TIGAR: variants seen among roughly 807,000 people sequenced by gnomAD.
The protein encoded by TIGAR is TP53 induced glycolysis regulatory phosphatase, also known as fructose-2,6-bisphosphatase TIGAR.
A neutral mutation model predicts 17.9 loss-of-function variants in TIGAR; 7 were observed. The observed-to-expected ratio is 0.39, with a 90% CI of 0.22 to 0.73. The LOEUF (loss-of-function observed/expected upper bound fraction) is 0.73, where lower values mean the gene tolerates loss of function less well. Ranked by LOEUF, TIGAR falls within the 30% of genes least tolerant of loss-of-function variation. The pLI is 0.42. For missense variants in TIGAR, 258 were observed against 327.4 expected (o/e 0.79, Z 1.64); for synonymous variants, 94 against 108.6 (o/e 0.87, Z 0.84).
intron 1 of TIGAR, among the ~76,000 whole-genome samples, chr12:4,322,119 C>T (rs1411143827): frequency 6.6e-6 from 1 of 152,190 alleles, no homozygotes; most frequent in Non-Finnish European, 1.5e-5. Context: ...GCTTCAGCCT[C>T]CCGAGTAGCT....
intron 3 of TIGAR, among the ~76,000 whole-genome samples, chr12:4,337,850 G>A (rs1261405225): frequency 6.6e-6 from 1 of 152,208 alleles, no homozygotes; most frequent in Non-Finnish European, 1.5e-5. Flanking sequence ...TGAAAAACCA[G>A]TTGGGCATGG....
chr12:4,348,226 GAGAT>G (rs1263787870), intron 3 of TIGAR, among the ~76,000 whole-genome samples: 2 of 152,204 alleles, frequency 1.3e-5, no homozygotes, highest in African/African-American at 4.8e-5. Flanking sequence ...CTTTCAGAAA[GAGAT>G]AGCAGAGAGA....
At chr12:4,345,011 G>A (rs1284460028) in intron 3 of TIGAR, among the ~76,000 whole-genome samples, 1 of 152,122 alleles carries the variant, frequency 6.6e-6, no homozygotes, top group East Asian at 1.9e-4. Context: ...ATTCACAATT[G>A]CTTCAAAGAG....
At chr12:4,339,173 A>G (rs1342668658) in intron 3 of TIGAR, among the ~76,000 whole-genome samples, 2 of 152,120 alleles carry the variant, frequency 1.3e-5, no homozygotes, top group Admixed American at 1.3e-4. Flanking sequence ...AGATTTAACT[A>G]AGAAGATAAA....
rs1427028281 is a variant in TIGAR at position 4,358,652 on chromosome 12, AT to A, written c.*5963del. 6.6e-6 allele frequency among the ~76,000 whole-genome samples: 1 copy of A among 151,932 alleles called. No individual in the cohort carries two copies. Reference sequence around the variant, plus strand: ...AAATATCTGAGTCAGGAAATTTGACATTGATATTGCCTATTAGCTAATCCTT... The same window carrying A: ...AAATATCTGAGTCAGGAAATTTGACATGATATTGCCTATTAGCTAATCCTT... On this transcript the variant is annotated 3_prime_UTR_variant, in exon 6 of 6. Coordinates refer to ENST00000179259, the MANE Select transcript of TIGAR (RefSeq NM_020375.3).
intron 3 of TIGAR, among the ~76,000 whole-genome samples, chr12:4,339,989 TTCCTC>T (rs1291796990): frequency 6.6e-6 from 1 of 152,244 alleles, no homozygotes; most frequent in African/African-American, 2.4e-5. Flanking sequence ...CTGAAAGCCT[TTCCTC>T]TAAGATCTAG....
chr12:4,338,370 T>G (rs1266100768), intron 3 of TIGAR, among the ~76,000 whole-genome samples: 5 of 152,200 alleles, frequency 3.3e-5, no homozygotes, highest in African/African-American at 1.2e-4. Flanking sequence ...AGTGTCCTGG[T>G]TTTCTGGCTG....
Position 4,327,943 on chromosome 12 carries a change from G to C in TIGAR, c.33-3337G>C, listed in dbSNP as rs535860918. On this transcript the variant is annotated intron_variant, in intron 1 of 5. Transcript: ENST00000179259. Reference sequence around the variant, plus strand: ...GGCCTCCCAAAGTGCTGGGATTACAGGCATGAGCCACCGCGCCCAGCCGAG... The same window carrying C: ...GGCCTCCCAAAGTGCTGGGATTACACGCATGAGCCACCGCGCCCAGCCGAG... Among the ~76,000 whole-genome samples, 6 of 152,226 alleles carry C rather than the reference G, an allele frequency of 3.9e-5. No homozygotes were observed. In the East Asian group the frequency reaches 1.2e-3, roughly 29 times the overall value.
chr12:4,322,623 A>G (rs1864493203), intron 1 of TIGAR, among the ~76,000 whole-genome samples: 1 of 152,324 alleles, frequency 6.6e-6, no homozygotes, highest in East Asian at 1.9e-4. Context: ...CCATTTCTGC[A>G]TTCATGGAGC....
At chr12:4,334,465 GA>G (rs1864637356) in intron 2 of TIGAR, among the ~76,000 whole-genome samples, 1 of 152,116 alleles carries the variant, frequency 6.6e-6, no homozygotes, top group Non-Finnish European at 1.5e-5. Context: ...ATTTTGGGGG[GA>G]CACATTTACT....
intron 3 of TIGAR, among the ~76,000 whole-genome samples, chr12:4,339,211 AAGG>A (rs1295043270): frequency 2.0e-5 from 3 of 152,124 alleles, no homozygotes; most frequent in African/African-American, 7.2e-5. Context: ...TCAGATGAAA[AAGG>A]AGATATTACA....
chr12:4,333,070 GA>G, intron 2 of TIGAR, among the ~76,000 whole-genome samples: 1 of 152,240 alleles, frequency 6.6e-6, no homozygotes, highest in East Asian at 1.9e-4. Context: ...TTGGATCACT[GA>G]TTTTCTTATA....
chr12:4,330,848 C>A (rs1027933801), intron 1 of TIGAR, among the ~76,000 whole-genome samples: 1 of 152,230 alleles, frequency 6.6e-6, no homozygotes, highest in African/African-American at 2.4e-5. Flanking sequence ...GTGCACGTCT[C>A]TCCCATTCCA....
At chr12:4,322,065 T>G (rs1202592848) in intron 1 of TIGAR, among the ~76,000 whole-genome samples, 2 of 152,124 alleles carry the variant, frequency 1.3e-5, no homozygotes, top group Non-Finnish European at 2.9e-5. Flanking sequence ...GCGCTATCTC[T>G]GCTCACTGCA....
chr12:4,336,301 C>T (rs1641064206), intron 2 of TIGAR, among the ~76,000 whole-genome samples: 1 of 152,182 alleles, frequency 6.6e-6, no homozygotes, highest in East Asian at 1.9e-4. Flanking sequence ...CAGCAGGCCT[C>T]CTCTCCCAGC....
chr12:4,338,270 T>C (rs368008964), intron 3 of TIGAR, among the ~76,000 whole-genome samples: 3 of 152,330 alleles, frequency 2.0e-5, no homozygotes, highest in East Asian at 3.9e-4. Context: ...TGGCAAAATA[T>C]GTGAAACCAC....
chr12:4,352,227 A>G, intron 5 of TIGAR, 33 bp from the exon 6 acceptor site: 1 of 1,569,660 alleles, frequency 6.4e-7, no homozygotes, highest in Non-Finnish European at 8.6e-7. Context: ...CATTAATGTC[A>G]CTTTATTTTG....
intron 1 of TIGAR, chr12:4,324,794 C>T (rs762887833): frequency 1.0e-4 from 63 of 632,270 alleles, no homozygotes; most frequent in Middle Eastern, 8.4e-4. Context: ...TCCGCTTCTT[C>T]TGCTCTACCT....
Position 4,357,433 on chromosome 12 carries a change from C to T in TIGAR, c.*4742C>T, listed in dbSNP as rs935773412. On this transcript the variant is annotated 3_prime_UTR_variant, in exon 6 of 6. Transcript: ENST00000179259. ...GCTGGGCTGAGTACCTGCTATCAGACGCAGCACTTACCAGTTTGGAAATTG... is the reference window on the plus strand; with the variant it reads ...GCTGGGCTGAGTACCTGCTATCAGATGCAGCACTTACCAGTTTGGAAATTG... 3.9e-5 allele frequency among the ~76,000 whole-genome samples: 6 copies of T among 152,240 alleles called. No homozygotes were observed. Among genetic ancestry groups the T allele is most frequent in the South Asian group, 2.1e-4 (1 of 4,826 alleles).
Sources: gnomAD v4.1 joint callset for allele counts (sites outside exome capture counted in the v4.1 genomes callset) on GRCh38, gnomAD v4.1.1 for gene constraint, MANE v1.5 for transcripts, NCBI Gene and HGNC (gene_info 2026-07-23, HGNC 2026-07-21) for gene names.